The following AUTS2 variants were observed in gnomAD, a reference collection of about 807,000 sequenced individuals.
AUTS2 encodes autism susceptibility gene 2 protein.
AUTS2 carries 17 observed loss-of-function variants against 112.4 expected under a neutral mutation model. The observed-to-expected ratio is 0.15, with a 90% CI of 0.10 to 0.23. The LOEUF (loss-of-function observed/expected upper bound fraction) is 0.23. AUTS2 is among the 10% of genes least tolerant of loss of function. The probability of loss-of-function intolerance (pLI) is 1.00; values close to 1 mark genes in which losing one functional copy is unlikely to be tolerated. For synonymous variants in AUTS2, 751 were observed against 702.7 expected, an observed-to-expected ratio of 1.07 and a Z score of -1.09; for missense variants, 1,510 against 1,701.6, an observed-to-expected ratio of 0.89 and a Z score of 1.98.
At chr7:70,563,662 G>A (rs558191774) in intron 5 of AUTS2, among the ~76,000 whole-genome samples, 2 of 152,240 alleles carry the variant, frequency 1.3e-5, no homozygotes, top group Admixed American at 1.3e-4. Context: ...TCTTTCAAAT[G>A]GGCTGCCTTA....
intron 5 of AUTS2, among the ~76,000 whole-genome samples, chr7:70,479,882 G>GGTAA (rs1797722801): frequency 1.3e-5 from 2 of 152,190 alleles, no homozygotes; most frequent in African/African-American, 2.4e-5. Context: ...GAGTGTGAAA[G>GGTAA]GTAAGTGCAG....
intron 1 of AUTS2, among the ~76,000 whole-genome samples, chr7:69,871,700 C>T (rs1793505502): frequency 6.6e-6 from 1 of 152,160 alleles, no homozygotes; most frequent in Non-Finnish European, 1.5e-5. Flanking sequence ...GGATGAGTAG[C>T]ATCTATAGCG....
intron 2 of AUTS2, among the ~76,000 whole-genome samples, chr7:70,043,836 C>T (rs1241088798): frequency 6.6e-6 from 1 of 151,978 alleles, no homozygotes; most frequent in African/African-American, 2.4e-5. Flanking sequence ...CTCGGACTCC[C>T]GATCTCAGGT....
At chr7:70,481,438 A>G (rs904340196) in intron 5 of AUTS2, among the ~76,000 whole-genome samples, 1 of 152,186 alleles carries the variant, frequency 6.6e-6, no homozygotes, top group African/African-American at 2.4e-5. Flanking sequence ...TTTCTCTTAC[A>G]GCATCTTGAC....
At chr7:70,160,081 A>T (rs886544506) in intron 4 of AUTS2, among the ~76,000 whole-genome samples, 1 of 152,134 alleles carries the variant, frequency 6.6e-6, no homozygotes, top group Admixed American at 6.6e-5. Flanking sequence ...TTTATTAATC[A>T]AAGACTATTC....
chr7:70,759,625 C>G (rs1227304476), intron 6 of AUTS2, among the ~76,000 whole-genome samples: 2 of 152,158 alleles, frequency 1.3e-5, no homozygotes, highest in Non-Finnish European at 2.9e-5. Context: ...CATGTTCTAG[C>G]TGTGGTTAGG....
intron 16 of AUTS2, chr7:70,785,486 G>A: frequency 2.1e-6 from 1 of 468,576 alleles, no homozygotes; most frequent in South Asian, 1.5e-5. Flanking sequence ...CATGCTTTGT[G>A]TGGCCTTTGT....
chr7:70,538,147 G>A (rs923638949), intron 5 of AUTS2, among the ~76,000 whole-genome samples: 3 of 152,184 alleles, frequency 2.0e-5, no homozygotes, highest in African/African-American at 7.2e-5. Flanking sequence ...TGAGGCTGGA[G>A]GATCACTTGA....
At chr7:70,461,300 A>G (rs1796953086) in intron 5 of AUTS2, among the ~76,000 whole-genome samples, 1 of 152,184 alleles carries the variant, frequency 6.6e-6, no homozygotes, top group Non-Finnish European at 1.5e-5. Flanking sequence ...AACGCTTCGA[A>G]CTGCTGCAGA....
At chr7:70,545,258 C>T (rs1287419576) in intron 5 of AUTS2, among the ~76,000 whole-genome samples, 3 of 152,144 alleles carry the variant, frequency 2.0e-5, no homozygotes, top group Non-Finnish European at 2.9e-5. Flanking sequence ...AAGGGAAAGC[C>T]GAGAGCAGTT....
chr7:70,178,661 G>C (rs988578449), intron 4 of AUTS2, among the ~76,000 whole-genome samples: 1 of 152,032 alleles, frequency 6.6e-6, no homozygotes, highest in Non-Finnish European at 1.5e-5. Context: ...TTAGCTGGGC[G>C]TGGTGGCAGG....
chr7:70,670,059 G>A (rs1424522126), intron 5 of AUTS2, among the ~76,000 whole-genome samples: 4 of 152,144 alleles, frequency 2.6e-5, no homozygotes, highest in South Asian at 2.1e-4. Flanking sequence ...CACTGTAGGC[G>A]CACCTCAGGC....
chr7:69,782,334 G>A (rs1789176058), intron 1 of AUTS2, among the ~76,000 whole-genome samples: 1 of 151,788 alleles, frequency 6.6e-6, no homozygotes, highest in Non-Finnish European at 1.5e-5. Flanking sequence ...CTGCAGGTGG[G>A]GTGACAGAGT....
chr7:70,422,732 C>G (rs764229798), intron 4 of AUTS2, among the ~76,000 whole-genome samples: 1 of 152,044 alleles, frequency 6.6e-6, no homozygotes, highest in African/African-American at 2.4e-5. Flanking sequence ...GCCAAGATCG[C>G]GCCACTGTGC....
intron 1 of AUTS2, among the ~76,000 whole-genome samples, chr7:69,808,657 A>G (rs576256154): frequency 5.9e-5 from 9 of 152,046 alleles, no homozygotes; most frequent in Non-Finnish European, 7.4e-5. Context: ...GCCCCACTCT[A>G]ATGTAGCCTG....
chr7:69,661,905 A>G (rs1336723466), intron 1 of AUTS2, among the ~76,000 whole-genome samples: 1 of 152,188 alleles, frequency 6.6e-6, no homozygotes, highest in Non-Finnish European at 1.5e-5. Flanking sequence ...TTTAACTTGA[A>G]ATAGCATGAG....
At chr7:70,391,053 A>G (rs1585091163) in intron 4 of AUTS2, among the ~76,000 whole-genome samples, 1 of 152,318 alleles carries the variant, frequency 6.6e-6, no homozygotes, top group East Asian at 1.9e-4. Context: ...TGCACATTGG[A>G]ATCCCCTGCA....
intron 1 of AUTS2, among the ~76,000 whole-genome samples, chr7:69,689,469 G>T (rs1208227390): frequency 2.1e-5 from 3 of 146,028 alleles, no homozygotes; most frequent in African/African-American, 7.6e-5. Context: ...TTCTGCCTCA[G>T]CTTTCCGAGT....
intron 2 of AUTS2, among the ~76,000 whole-genome samples, chr7:70,060,039 G>A (rs1802172914): frequency 1.3e-5 from 2 of 152,146 alleles, no homozygotes; most frequent in African/African-American, 4.8e-5. Context: ...AGAAAGAAAA[G>A]CATTTCAGTA....
Sources: allele counts gnomAD v4.1 joint callset (sites outside exome capture counted in the v4.1 genomes callset), GRCh38; gene constraint gnomAD v4.1.1; transcripts MANE v1.5; gene names NCBI Gene and HGNC (gene_info 2026-07-23, HGNC 2026-07-21).